Variants in FGF12 observed in about 807,000 individuals in gnomAD.
FGF12 encodes the protein fibroblast growth factor 12B.
FGF12 carries 14 observed loss-of-function variants against 23.6 expected under a neutral mutation model. The ratio of observed to expected loss-of-function variants is 0.59; its 90% confidence interval spans 0.39 to 0.93. The LOEUF is 0.93. Among genes scored for constraint, FGF12 ranks in the 40% least tolerant of loss-of-function variants. FGF12 has a pLI of 0.00. For missense variants in FGF12, 175 were observed against 217.8 expected (o/e 0.80, Z 1.24); for synonymous variants, 62 against 77.3 (o/e 0.80, Z 1.04).
chr3:192,542,815 T>C (rs1033853847), intron 2 of FGF12, among the ~76,000 whole-genome samples: 8 of 152,098 alleles, frequency 5.3e-5, no homozygotes, highest in Non-Finnish European at 8.8e-5. Context: ...ATTGTCTGGA[T>C]TACCAGGAAA....
intron 2 of FGF12, among the ~76,000 whole-genome samples, chr3:192,546,422 A>C (rs1400076195): frequency 2.0e-5 from 3 of 151,878 alleles, no homozygotes; most frequent in Non-Finnish European, 4.4e-5. Context: ...ATTAAGGAGA[A>C]ATTTAAAATG....
intron 2 of FGF12, among the ~76,000 whole-genome samples, chr3:192,575,782 C>T (rs1449374757): frequency 6.7e-6 from 1 of 148,224 alleles, no homozygotes; most frequent in Non-Finnish European, 1.5e-5. Context: ...AAACTTTTCA[C>T]CCCAACAAAT....
intron 2 of FGF12, among the ~76,000 whole-genome samples, chr3:192,657,676 T>C (rs1716490098): frequency 6.6e-6 from 1 of 152,206 alleles, no homozygotes; most frequent in Non-Finnish European, 1.5e-5. Context: ...GTAGACATTT[T>C]AATCATAATT....
intron 2 of FGF12, among the ~76,000 whole-genome samples, chr3:192,376,864 T>G (rs941646353): frequency 6.6e-6 from 1 of 152,252 alleles, no homozygotes; most frequent in Non-Finnish European, 1.5e-5. Flanking sequence ...GTTTATATCC[T>G]TGTATGGTTT....
chr3:192,541,639 A>AT (rs955137132), intron 2 of FGF12, among the ~76,000 whole-genome samples: 5 of 151,640 alleles, frequency 3.3e-5, no homozygotes, highest in African/African-American at 4.8e-5. Context: ...CCTTCAGATG[A>AT]TTTTTTTTGC....
chr3:192,463,516 C>G (rs1041779011), intron 2 of FGF12, among the ~76,000 whole-genome samples: 1 of 152,146 alleles, frequency 6.6e-6, no homozygotes, highest in African/African-American at 2.4e-5. Flanking sequence ...ATGGTTTTAT[C>G]TTTTGGGGAT....
intron 2 of FGF12, among the ~76,000 whole-genome samples, chr3:192,588,028 G>T (rs559707900): frequency 3.9e-4 from 59 of 151,692 alleles, no homozygotes; most frequent in African/African-American, 1.3e-3. Flanking sequence ...GTATTTTATA[G>T]AAGTTTTTAA....
chr3:192,698,182 AT>A lies in FGF12; in HGVS notation c.13+28998del, dbSNP rs575603130. Among the ~76,000 whole-genome samples the A allele has an allele frequency of 2.4e-3, 369 of 152,340 alleles. 3 individuals are homozygous for A. The highest frequency in any genetic ancestry group is 8.3e-3 in the African/African-American group (343 of 41,572). ...AATATTGGTGAATTAACAAATCAAT[AT>A]TTTAATGAATTAACTAATCAATTAA... On this transcript the variant is annotated intron_variant, in intron 2 of 5. Transcript: ENST00000445105.
intron 2 of FGF12, among the ~76,000 whole-genome samples, chr3:192,609,491 C>T (rs181744408): frequency 3.2e-3 from 490 of 152,158 alleles, no homozygotes; most frequent in African/African-American, 5.7e-3. Context: ...GTGTGTTGAA[C>T]GCTGGCTTGA....
chr3:192,313,097 A>G (rs778852763), intron 4 of FGF12, among the ~76,000 whole-genome samples: 10 of 152,136 alleles, frequency 6.6e-5, no homozygotes, highest in East Asian at 1.9e-4. Context: ...AGTTTCCTCT[A>G]TTATTCTCTA....
chr3:192,202,714 G>A (rs1238127914), intron 4 of FGF12, among the ~76,000 whole-genome samples: 2 of 152,124 alleles, frequency 1.3e-5, no homozygotes, highest in East Asian at 3.9e-4. Flanking sequence ...TAGCATCTCT[G>A]AACTACGGGT....
chr3:192,312,403 TTTAA>T (rs1307080102), intron 4 of FGF12, among the ~76,000 whole-genome samples: 12 of 139,144 alleles, frequency 8.6e-5, no homozygotes, highest in African/African-American at 3.9e-4. Flanking sequence ...AAACTTAGCC[TTTAA>T]TTTTTTTTTT....
intron 4 of FGF12, among the ~76,000 whole-genome samples, chr3:192,218,037 AT>A (rs1281064018): frequency 6.6e-6 from 1 of 151,962 alleles, no homozygotes; most frequent in Non-Finnish European, 1.5e-5. Context: ...TGGTTTCTCC[AT>A]GTTGGTCAGG....
At chr3:192,312,683 C>A (rs1487568482) in intron 4 of FGF12, among the ~76,000 whole-genome samples, 1 of 150,864 alleles carries the variant, frequency 6.6e-6, no homozygotes, top group Non-Finnish European at 1.5e-5. Flanking sequence ...TGCCGTGGAG[C>A]TTGCCGTGAG....
At chr3:192,673,959 TCA>T (rs1367304870) in intron 2 of FGF12, among the ~76,000 whole-genome samples, 1 of 151,132 alleles carries the variant, frequency 6.6e-6, no homozygotes, top group Non-Finnish European at 1.5e-5. Context: ...CCTTGAGGAA[TCA>T]CCACACTCAG....
At chr3:192,476,291 G>A (rs1365445195) in intron 2 of FGF12, among the ~76,000 whole-genome samples, 1 of 151,824 alleles carries the variant, frequency 6.6e-6, no homozygotes, top group African/African-American at 2.4e-5. Flanking sequence ...TACCTATGAG[G>A]AAAATATTGT....
intron 4 of FGF12, among the ~76,000 whole-genome samples, chr3:192,328,499 A>G (rs1410229762): frequency 1.3e-5 from 2 of 152,220 alleles, no homozygotes; most frequent in African/African-American, 4.8e-5. Context: ...GGAAGACGAC[A>G]ATAGAAGCTC....
At chr3:192,372,220 G>A (rs945699888) in intron 2 of FGF12, among the ~76,000 whole-genome samples, 6 of 152,170 alleles carry the variant, frequency 3.9e-5, no homozygotes, top group Admixed American at 2.6e-4. Flanking sequence ...CTGACATCAG[G>A]GGAGCTGCAC....
intron 4 of FGF12, among the ~76,000 whole-genome samples, chr3:192,216,942 T>C (rs1169282715): frequency 6.6e-6 from 1 of 152,224 alleles, no homozygotes; most frequent in Non-Finnish European, 1.5e-5. Flanking sequence ...GATGAATTAA[T>C]CGAATCAGGA....
Sources: gnomAD v4.1 joint callset for allele counts (sites outside exome capture counted in the v4.1 genomes callset) on GRCh38, gnomAD v4.1.1 for gene constraint, MANE v1.5 for transcripts, NCBI Gene and HGNC (gene_info 2026-07-23, HGNC 2026-07-21) for gene names.